PLEKHA7: variants seen among roughly 807,000 people sequenced by gnomAD.
The protein encoded by PLEKHA7 is pleckstrin homology domain-containing family A member 7.
A neutral mutation model predicts 170.0 loss-of-function variants in PLEKHA7; 104 were observed. The ratio of observed to expected loss-of-function variants is 0.61; its 90% CI spans 0.52 to 0.72. The LOEUF is 0.72. Ranked by LOEUF, PLEKHA7 falls within the 30% of genes least tolerant of loss-of-function variation. The pLI is 0.00. For synonymous variants in PLEKHA7, 648 were observed against 660.8 expected (o/e 0.98, Z 0.30); for missense variants, 1,615 against 1,671.7 (o/e 0.97, Z 0.59).
chr11:16,973,663 G>A (rs1472269704), intron 3 of PLEKHA7, among the ~76,000 whole-genome samples: 2 of 152,108 alleles, frequency 1.3e-5, no homozygotes, highest in African/African-American at 4.8e-5. Context: ...GATCAGTGAG[G>A]GACAGGAACT....
At position 16,906,265 on chromosome 11, in the gene PLEKHA7, AG is replaced by A. The variant is rs1565098265; in HGVS notation, c.222-35084del. 1.3e-4 allele frequency among the ~76,000 whole-genome samples: 16 copies of A among 120,218 alleles called. No homozygotes were observed. The South Asian group carries it at 1.3e-3, about 10-fold the overall frequency. The allele number at this position is 120,218 out of a possible 152,430, so 78.9% of individuals were successfully genotyped here. On this transcript the variant is annotated intron_variant, in intron 3 of 26. Coordinates refer to ENST00000531066, the MANE Select transcript of PLEKHA7 (RefSeq NM_001329630.2). ...AAGGAAGGAAGGAAGGAAGGAAGGA[AG>A]GAAGGAAGGAAGGAAAGAAAGAAAA... is the stretch of plus-strand genomic sequence containing the variant.
intron 10 of PLEKHA7, among the ~76,000 whole-genome samples, chr11:16,819,157 G>A (rs1227292217): frequency 6.6e-6 from 1 of 151,516 alleles, no homozygotes; most frequent in African/African-American, 2.4e-5. Flanking sequence ...GAGTGCAGCG[G>A]TGCAATCTTG....
chr11:16,875,498 G>A (rs187454956), intron 3 of PLEKHA7, among the ~76,000 whole-genome samples: 2 of 151,878 alleles, frequency 1.3e-5, no homozygotes, highest in Non-Finnish European at 1.5e-5. Flanking sequence ...CCAGGCTGGA[G>A]TGCAGTGGAA....
At chr11:16,882,871 CAT>C (rs1855811823) in intron 3 of PLEKHA7, among the ~76,000 whole-genome samples, 2 of 45,952 alleles carry the variant, frequency 4.4e-5, no homozygotes, top group Non-Finnish European at 1.4e-4. Context: ...CACACACACA[CAT>C]ACACACACAC....
At position 16,791,659 on chromosome 11, in the gene PLEKHA7, C is replaced by T. The variant is rs751750044; in HGVS notation, c.2746-460G>A. 18 of 459,338 alleles carry T rather than the reference C, an allele frequency of 3.9e-5. No individual in the cohort carries two copies. The highest frequency in any genetic ancestry group is 6.6e-5 in the Non-Finnish European group (15 of 228,928). 28.5% of individuals were successfully genotyped at this position (459,338 alleles called of 1,614,324 possible). ...CTCATTGGCCCTACACGAGCTCTGG[C>T]GCCTTCAGCAAGGTGGGGACCTGAA... On this transcript the variant is annotated intron_variant, in intron 19 of 26. Coordinates refer to ENST00000531066, the MANE Select transcript of PLEKHA7 (RefSeq NM_001329630.2). This position sits in a 1 kb window ranked among gnomAD's most constrained non-coding sequence, Gnocchi z 4.5.
chr11:16,962,261 A>G (rs1480914590), intron 3 of PLEKHA7, among the ~76,000 whole-genome samples: 2 of 151,948 alleles, frequency 1.3e-5, no homozygotes, highest in African/African-American at 4.8e-5. Context: ...ATGTTTTCTC[A>G]CTCTGAATGG....
chr11:16,799,590 A>T (rs969915780), intron 17 of PLEKHA7, among the ~76,000 whole-genome samples: 3 of 152,272 alleles, frequency 2.0e-5, no homozygotes, highest in African/African-American at 4.8e-5. Flanking sequence ...CTGCTAAAAA[A>T]ATTCAGATCA....
intron 3 of PLEKHA7, among the ~76,000 whole-genome samples, chr11:16,927,887 T>A (rs1859673222): frequency 6.6e-6 from 1 of 152,198 alleles, no homozygotes; most frequent in Admixed American, 6.5e-5. Flanking sequence ...TGGTACATGC[T>A]TACGATGGAA....
At chr11:16,805,714 T>C (rs1046539485) in intron 13 of PLEKHA7, among the ~76,000 whole-genome samples, 1 of 147,022 alleles carries the variant, frequency 6.8e-6, no homozygotes, top group African/African-American at 2.6e-5. Context: ...CTCTTGAACC[T>C]GGGAGGCAGA....
rs1283294477 is a variant in PLEKHA7 at position 16,826,208 on chromosome 11, T to A, written c.1255A>T (p.Arg419Trp). 1.2e-6 allele frequency: 2 copies of A among 1,614,122 alleles called. No homozygotes were observed. Among genetic ancestry groups the A allele is most frequent in the African/African-American group, 2.7e-5 (2 of 74,956 alleles). The change falls in exon 10 of 27, where the codon AGG (arginine) becomes TGG (tryptophan). Residue 419 changes from arginine (R) to tryptophan (W), a missense_variant. Transcript: ENST00000531066. ...TGGYQRAFPPRTNPEKHSQRK... is the reference protein window; with the variant it reads ...TGGYQRAFPPWTNPEKHSQRK... ...TGGCTGTGTTTTTCAGGGTTGGTCCTGGGAGGAAAGGCCCGCTGGTACCCA... is the reference window on the plus strand; with the variant it reads ...TGGCTGTGTTTTTCAGGGTTGGTCCAGGGAGGAAAGGCCCGCTGGTACCCA...
chr11:16,788,745 AC>A (rs1394755458), intron 23 of PLEKHA7: 28 of 354,738 alleles, frequency 7.9e-5, no homozygotes, highest in Non-Finnish European at 1.4e-4. Flanking sequence ...AAATCATGTC[AC>A]CATCTTCCTC....
chr11:16,962,055 G>C (rs368924567), intron 3 of PLEKHA7, among the ~76,000 whole-genome samples: 7 of 152,324 alleles, frequency 4.6e-5, no homozygotes, highest in East Asian at 3.9e-4. Context: ...GGAGGAAATG[G>C]GGGGAAGCAA....
intron 3 of PLEKHA7, among the ~76,000 whole-genome samples, chr11:16,991,572 G>C (rs575604935): frequency 2.0e-5 from 3 of 152,276 alleles, no homozygotes; most frequent in African/African-American, 7.2e-5. Flanking sequence ...CCAGACAGAG[G>C]GGACAGCAGT....
At chr11:16,957,689 A>ATATTTTTTTTTTTTTT (rs1420004461) in intron 3 of PLEKHA7, among the ~76,000 whole-genome samples, 5 of 118,226 alleles carry the variant, frequency 4.2e-5, no homozygotes, top group African/African-American at 9.9e-5. Context: ...TACCTCAATA[A>ATATTTTTTTTTTTTTT]TTTTTTTCTT....
At chr11:16,982,440 A>T (rs1863484318) in intron 3 of PLEKHA7, among the ~76,000 whole-genome samples, 1 of 152,240 alleles carries the variant, frequency 6.6e-6, no homozygotes, top group Non-Finnish European at 1.5e-5. Context: ...TCCAGTGCTG[A>T]GCCCAGAAAC....
rs1179377641 is a variant in PLEKHA7, at chr11:16,795,851, CTTTTT to C, written c.2410-838_2410-834del. ...CTACGTATTTTACCACAGTTTTTTCCTTTTTTTTTTTTTTTTTTTTTGAGATGGAG... is the reference window on the plus strand; with the variant it reads ...CTACGTATTTTACCACAGTTTTTTCCTTTTTTTTTTTTTTTTGAGATGGAG... On this transcript the variant is annotated intron_variant, in intron 17 of 26. Coordinates refer to ENST00000531066, the MANE Select transcript of PLEKHA7 (RefSeq NM_001329630.2). Among the ~76,000 whole-genome samples the C allele has an allele frequency of 6.2e-3, 580 of 93,068 alleles. 2 individuals carry two copies. Among genetic ancestry groups the C allele is most frequent in the African/African-American group, 8.9e-3 (229 of 25,642 alleles). The allele number at this position is 93,068 out of a possible 152,430, so 61.1% of individuals were successfully genotyped here.
intron 12 of PLEKHA7, among the ~76,000 whole-genome samples, chr11:16,814,165 G>A (rs1185540232): frequency 6.6e-6 from 1 of 152,162 alleles, no homozygotes; most frequent in Non-Finnish European, 1.5e-5. Flanking sequence ...GCAAGGTCTT[G>A]TGTCCCTAAA....
intron 3 of PLEKHA7, among the ~76,000 whole-genome samples, chr11:17,000,534 C>A (rs1235916429): frequency 6.6e-6 from 1 of 152,198 alleles, no homozygotes; most frequent in Non-Finnish European, 1.5e-5. Context: ...AAGCACAATT[C>A]TTTCTCCCTC....
At chr11:16,876,368 C>G (rs1855293846) in intron 3 of PLEKHA7, among the ~76,000 whole-genome samples, 1 of 152,182 alleles carries the variant, frequency 6.6e-6, no homozygotes, top group Non-Finnish European at 1.5e-5. Flanking sequence ...CTTCAGGCTA[C>G]TGAGAAAGTA....
Sources: allele counts gnomAD v4.1 joint callset (sites outside exome capture counted in the v4.1 genomes callset), GRCh38; gene constraint gnomAD v4.1.1; non-coding constraint Gnocchi (gnomAD v3.1); transcripts MANE v1.5; gene names NCBI Gene and HGNC (gene_info 2026-07-23, HGNC 2026-07-21).